Variants in SLC27A1 observed in about 807,000 individuals in gnomAD.
SLC27A1 encodes the protein solute carrier family 27 member 1.
In SLC27A1, 61 loss-of-function variants were observed where a neutral mutation model predicts 62.2. That is an observed-to-expected ratio of 0.98 (90% CI 0.80 to 1.21). The LOEUF (loss-of-function observed/expected upper bound fraction) is 1.21, where lower values mean the gene tolerates loss of function less well. Among genes scored for constraint, SLC27A1 ranks in the 50% most tolerant of loss-of-function variants. The probability of loss-of-function intolerance (pLI) is 0.00; values close to 1 mark genes in which losing one functional copy is unlikely to be tolerated. For synonymous variants in SLC27A1, 435 were observed against 408.6 expected, an observed-to-expected ratio of 1.06 and a Z score of -0.78; for missense variants, 903 against 932.1, an observed-to-expected ratio of 0.97 and a Z score of 0.41.
rs1248374584 is a variant in SLC27A1 at position 17,504,753 on chromosome 19, A to G, written c.*141A>G. The G allele has an allele frequency of 2.6e-6, 3 of 1,136,512 alleles. No individual in the cohort carries two copies. Among genetic ancestry groups the G allele is most frequent in the Non-Finnish European group, 2.6e-6 (2 of 779,330 alleles). The allele number at this position is 1,136,512 out of a possible 1,614,324, so 70.4% of individuals were successfully genotyped here. On this transcript the variant is annotated 3_prime_UTR_variant, in exon 12 of 12. Transcript: ENST00000252595. The stretch of plus-strand genomic sequence containing the variant: ...GGCACGGCCCATCCTGGACTGAGAA[A>G]CTGGAACCTCAGAGGAACCCGTGCC...
At chr19:17,479,568 C>T (rs755994936) in intron 1 of SLC27A1, among the ~76,000 whole-genome samples, 2 of 152,118 alleles carry the variant, frequency 1.3e-5, no homozygotes, top group East Asian at 1.9e-4. Context: ...TTCCCATATG[C>T]GAATTTAATA....
In SLC27A1 at chr19:17,487,353, C is replaced by T; in HGVS notation, c.724+18C>T. 3.1e-6 allele frequency: 5 copies of T among 1,596,230 alleles called. No individual in the cohort carries two copies. The highest frequency in any genetic ancestry group is 4.5e-5 in the East Asian group (2 of 44,104). ...CATGGACGGTGAGTCAAGGGTGGGA[C>T]CCCTGCTCTATCAACTGGTTTCCTA... On this transcript the variant is annotated intron_variant, in intron 3 of 11. Coordinates refer to ENST00000252595, the MANE Select transcript of SLC27A1 (RefSeq NM_198580.3).
Position 17,486,549 on chromosome 19 carries a change from G to T in SLC27A1, c.168-14G>T. On this transcript the variant is annotated splice_polypyrimidine_tract_variant and intron_variant, in intron 1 of 11. Transcript: ENST00000252595. This position sits in a 1 kb window ranked among gnomAD's most constrained non-coding sequence, Gnocchi z 6.6. ...GGGCACCAGTGACGCTGTCCCCTCC[G>T]TCCTCCCTCCCAGCGGTCTCTCTGT... 6.4e-7 allele frequency: 1 copy of T among 1,563,290 alleles called. No individual in the cohort carries two copies. Among genetic ancestry groups the T allele is most frequent in the South Asian group, 1.1e-5 (1 of 87,142 alleles).
rs1281766401 is a variant in SLC27A1 at position 17,486,981 on chromosome 19, G to C, written c.562+24G>C. On this transcript the variant is annotated intron_variant, in intron 2 of 11. Coordinates refer to ENST00000252595, the MANE Select transcript of SLC27A1 (RefSeq NM_198580.3). The surrounding 1 kb of genome is among the most constrained non-coding windows in gnomAD (Gnocchi z 6.6). ...GGGTGAGGCCAGGCGTGGGCATCAG[G>C]TGGGCGGGGACCCAGGACTGGCCCC... 1 of 1,551,880 alleles carries C rather than the reference G, an allele frequency of 6.4e-7. No individual in the cohort carries two copies. Among genetic ancestry groups the C allele is most frequent in the Admixed American group, 1.8e-5 (1 of 54,548 alleles).
rs1403411554 is a variant in SLC27A1, at chr19:17,487,256, G to C, written c.645G>C (p.Pro215=). The change falls in exon 3 of 12, where the codon CCG becomes CCC. Residue 215 remains proline (P), a synonymous_variant. Transcript: ENST00000252595. ...SGDLGPEGIL[P]DTHLLDPLLK... ...ACTTGGGGCCCGAGGGCATCTTGCCGGACACCCACCTCCTGGACCCGCTGC... is the reference window on the plus strand; with the variant it reads ...ACTTGGGGCCCGAGGGCATCTTGCCCGACACCCACCTCCTGGACCCGCTGC... The C allele has an allele frequency of 6.2e-7, 1 of 1,613,942 alleles. No homozygotes were observed. Among genetic ancestry groups the C allele is most frequent in the South Asian group, 1.1e-5 (1 of 91,072 alleles).
rs1473989160 is a variant in SLC27A1 at position 17,486,177 on chromosome 19, C to T, written c.168-386C>T. Among the ~76,000 whole-genome samples, 1 of 152,172 alleles carries T rather than the reference C, an allele frequency of 6.6e-6. No homozygotes were observed. The highest frequency in any genetic ancestry group is 3.2e-3 in the Middle Eastern group (1 of 316). The stretch of plus-strand genomic sequence containing the variant: ...ACAGCTGCCCAGCTCGGGGCTGGAC[C>T]CTGGGGGTCCTGGTTAGGGTGGTCT... On this transcript the variant is annotated intron_variant, in intron 1 of 11. Coordinates refer to ENST00000252595, the MANE Select transcript of SLC27A1 (RefSeq NM_198580.3). This position sits in a 1 kb window ranked among gnomAD's most constrained non-coding sequence, Gnocchi z 6.6.
At position 17,489,054 on chromosome 19, in the gene SLC27A1, C is replaced by T. The variant is rs146693441; in HGVS notation, c.933C>T (p.Val311=). 1.2e-6 allele frequency: 2 copies of T among 1,614,142 alleles called. No homozygotes were observed. Among genetic ancestry groups the T allele is most frequent in the South Asian group, 2.2e-5 (2 of 91,080 alleles). ...AGTGTCTCATCTATGGGCTGACAGT[C>T]GTCCTCCGCAAGAAATTCTCGGCCA... ...VGQCLIYGLT[V]VLRKKFSASR... Residue 311 remains valine (V), a synonymous_variant, in exon 6 of 12, where the codon GTC becomes GTT. Coordinates refer to ENST00000252595, the MANE Select transcript of SLC27A1 (RefSeq NM_198580.3).
At chr19:17,479,763 A>G (rs2007677) in intron 1 of SLC27A1, among the ~76,000 whole-genome samples, 80,338 of 151,716 alleles carry the variant, frequency 0.53, 21,954 homozygotes, top group African/African-American at 0.63. Context: ...TGTGCCTCAC[A>G]CTTTTGAGTA....
In SLC27A1 at chr19:17,497,245, C is replaced by T. The variant is rs1434093073; in HGVS notation, c.997-10C>T. On this transcript the variant is annotated splice_polypyrimidine_tract_variant and intron_variant, in intron 6 of 11. Coordinates refer to ENST00000252595, the MANE Select transcript of SLC27A1 (RefSeq NM_198580.3). ...GGTCCCATCACCCACTTCCTCACCC[C>T]GTCCCCCAGGTGGTTCAGTACATCG... 1.3e-6 allele frequency: 2 copies of T among 1,582,184 alleles called. No homozygotes were observed. Among genetic ancestry groups the T allele is most frequent in the African/African-American group, 2.8e-5 (2 of 72,436 alleles).
At position 17,487,413 on chromosome 19, in the gene SLC27A1, AC is replaced by A. The variant is rs772153974; in HGVS notation, c.725-41del. ...GCCCCGCCCCCAACTTCCAGGCCCC[AC>A]CCCCCAATGCTCAGGCCCCACCCCT... is the stretch of plus-strand genomic sequence containing the variant. On this transcript the variant is annotated intron_variant, in intron 3 of 11. Transcript: ENST00000252595. 34 of 221,522 alleles carry A rather than the reference AC, an allele frequency of 1.5e-4. No individual in the cohort carries two copies. In the African/African-American group the frequency reaches 2.4e-3, roughly 15 times the overall value. The allele number at this position is 221,522 out of a possible 1,614,324, so 13.7% of individuals were successfully genotyped here.
intron 11 of SLC27A1, among the ~76,000 whole-genome samples, chr19:17,503,848 C>G (rs887121836): frequency 1.4e-5 from 2 of 143,218 alleles, no homozygotes; most frequent in Admixed American, 1.5e-4. Context: ...AGGAGAATCA[C>G]TTGAATCCAG....
chr19:17,477,582 C>T (rs1397678244), intron 1 of SLC27A1, among the ~76,000 whole-genome samples: 5 of 140,282 alleles, frequency 3.6e-5, no homozygotes, highest in South Asian at 2.3e-4. Flanking sequence ...GACAGGGTCT[C>T]ACTCTCATTG....
In SLC27A1 at chr19:17,486,325, G is replaced by T. The variant is rs113261509; in HGVS notation, c.168-238G>T. Among the ~76,000 whole-genome samples the T allele has an allele frequency of 1.3e-5, 2 of 152,206 alleles. No individual in the cohort carries two copies. Among genetic ancestry groups the T allele is most frequent in the Non-Finnish European group, 2.9e-5 (2 of 68,018 alleles). On this transcript the variant is annotated intron_variant, in intron 1 of 11. Transcript: ENST00000252595. This position sits in a 1 kb window ranked among gnomAD's most constrained non-coding sequence, Gnocchi z 6.6. ...CCCCAGGGCCACCAAGCCAGCTGGG[G>T]TATGGGGGAGGACAGGGTGACTGGT...
chr19:17,497,878 T>C, intron 7 of SLC27A1: 1 of 208,634 alleles, frequency 4.8e-6, no homozygotes, highest in South Asian at 5.8e-5. Flanking sequence ...CACGTGATCA[T>C]AGCTCACTGT....
At chr19:17,471,161 C>G (rs972679688) in intron 1 of SLC27A1, among the ~76,000 whole-genome samples, 1 of 151,000 alleles carries the variant, frequency 6.6e-6, no homozygotes. Context: ...CAGGGACGAC[C>G]CAATAGATAG....
At chr19:17,489,149 G>GC in intron 6 of SLC27A1, 32 bp downstream of exon 6, 1 of 1,568,770 alleles carries the variant, frequency 6.4e-7, no homozygotes, top group East Asian at 2.3e-5. Flanking sequence ...TCTAGACCCC[G>GC]CCCCTCCCAG....
At chr19:17,474,211 T>C (rs2144541696) in intron 1 of SLC27A1, among the ~76,000 whole-genome samples, 1 of 152,324 alleles carries the variant, frequency 6.6e-6, no homozygotes, top group South Asian at 2.1e-4. Context: ...CCCAAAGTGC[T>C]AGGATTATAG....
chr19:17,476,798 G>A (rs7251642), intron 1 of SLC27A1, among the ~76,000 whole-genome samples: 80,258 of 151,560 alleles, frequency 0.53, 21,951 homozygotes, highest in African/African-American at 0.63. Context: ...GGGGATCTGA[G>A]GGACCTATTT....
Position 17,487,461 on chromosome 19 carries a change from TC to T in SLC27A1, c.727del (p.Arg243ValfsTer67), listed in dbSNP as rs1266185320. On this transcript the variant is annotated frameshift_variant and splice_region_variant, in exon 4 of 12. Coordinates refer to ENST00000252595, the MANE Select transcript of SLC27A1 (RefSeq NM_198580.3). LOFTEE classifies it high-confidence loss of function. ...CCCTAACACCTGTATCTCCTGCAGA[TC>T]GTCTTTTCTACATCTACACGTCGGG... ...AQIPSKGMDD[R>X]LFYIYTSGTT... 6.3e-7 allele frequency: 1 copy of T among 1,579,854 alleles called. No individual in the cohort carries two copies. Among genetic ancestry groups the T allele is most frequent in the African/African-American group, 1.5e-5 (1 of 67,618 alleles).
Sources: allele counts gnomAD v4.1 joint callset (sites outside exome capture counted in the v4.1 genomes callset), GRCh38; gene constraint gnomAD v4.1.1; non-coding constraint Gnocchi (gnomAD v3.1); transcripts MANE v1.5; gene names NCBI Gene and HGNC (gene_info 2026-07-23, HGNC 2026-07-21).